Variants in FAT3 observed in about 807,000 individuals in gnomAD.
The protein encoded by FAT3 is protocadherin Fat 3.
Under a neutral mutation model 310.2 loss-of-function variants are expected in FAT3, and 95 were observed. That is an observed-to-expected ratio of 0.31 (90% CI 0.26 to 0.36). The LOEUF is 0.36. Ranked by LOEUF, FAT3 falls within the 10% of genes least tolerant of loss-of-function variation. The pLI is 1.00. For synonymous variants in FAT3, 2,314 were observed against 2,192.9 expected, an observed-to-expected ratio of 1.06 and a Z score of -1.54; for missense variants, 5,408 against 5,715.6, an observed-to-expected ratio of 0.95 and a Z score of 1.74.
intron 18 of FAT3, among the ~76,000 whole-genome samples, chr11:92,841,003 C>G (rs769489204): frequency 1.1e-4 from 16 of 152,188 alleles, no homozygotes; most frequent in Non-Finnish European, 2.4e-4. Context: ...GTATGCCCAA[C>G]AGATGGTCAC....
At chr11:92,279,510 T>G (rs1419632210) in intron 1 of FAT3, among the ~76,000 whole-genome samples, 1 of 152,208 alleles carries the variant, frequency 6.6e-6, no homozygotes, top group African/African-American at 2.4e-5. Context: ...TTCACACATG[T>G]GTGAGTGCAT....
intron 2 of FAT3, among the ~76,000 whole-genome samples, chr11:92,443,007 G>A (rs1401817568): frequency 6.6e-6 from 1 of 152,130 alleles, no homozygotes; most frequent in African/African-American, 2.4e-5. Context: ...AACACAAGGG[G>A]TGGTTAATCT....
intron 20 of FAT3, among the ~76,000 whole-genome samples, chr11:92,857,887 A>G (rs1174529472): frequency 1.3e-5 from 2 of 152,198 alleles, no homozygotes; most frequent in African/African-American, 4.8e-5. Flanking sequence ...TTAAGGAAAA[A>G]AAAATCAGTA....
chr11:92,539,087 A>G (rs1288280276), intron 3 of FAT3, among the ~76,000 whole-genome samples: 1 of 152,174 alleles, frequency 6.6e-6, no homozygotes, highest in African/African-American at 2.4e-5. Context: ...TTATAAAGAC[A>G]TGCTTCATCT....
At chr11:92,666,989 A>C (rs1164233167) in intron 3 of FAT3, among the ~76,000 whole-genome samples, 1 of 152,026 alleles carries the variant, frequency 6.6e-6, no homozygotes, top group Non-Finnish European at 1.5e-5. Flanking sequence ...AGGAGATGGG[A>C]AGTCTAGTCC....
At chr11:92,238,223 C>A (rs1864517935) in intron 1 of FAT3, among the ~76,000 whole-genome samples, 1 of 152,072 alleles carries the variant, frequency 6.6e-6, no homozygotes, top group African/African-American at 2.4e-5. Context: ...TCTTTGAGGG[C>A]TGAGTATTTT....
At chr11:92,604,294 T>C (rs1283906329) in intron 3 of FAT3, among the ~76,000 whole-genome samples, 3 of 152,210 alleles carry the variant, frequency 2.0e-5, no homozygotes, top group Non-Finnish European at 4.4e-5. Context: ...TATTTTCTTC[T>C]TTTTAATTAT....
intron 2 of FAT3, among the ~76,000 whole-genome samples, chr11:92,395,236 A>G (rs145189858): frequency 2.0e-5 from 3 of 152,294 alleles, no homozygotes; most frequent in East Asian, 1.9e-4. Context: ...GAGTTTAAAT[A>G]GGTACTTGAA....
intron 2 of FAT3, among the ~76,000 whole-genome samples, chr11:92,399,893 G>C (rs2134859277): frequency 6.6e-6 from 1 of 152,328 alleles, no homozygotes; most frequent in South Asian, 2.1e-4. Flanking sequence ...TCAAAAGGCA[G>C]ATCTGGCCAA....
intron 2 of FAT3, among the ~76,000 whole-genome samples, chr11:92,399,308 T>C (rs1431216388): frequency 6.6e-6 from 1 of 152,150 alleles, no homozygotes; most frequent in Non-Finnish European, 1.5e-5. Context: ...TTCTTTATAA[T>C]GGAGTGAAAA....
At chr11:92,858,471 C>T (rs1370322022) in intron 20 of FAT3, among the ~76,000 whole-genome samples, 1 of 152,124 alleles carries the variant, frequency 6.6e-6, no homozygotes, top group African/African-American at 2.4e-5. Flanking sequence ...TATATTTCCA[C>T]ATATTCCACC....
intron 2 of FAT3, among the ~76,000 whole-genome samples, chr11:92,513,681 A>G (rs545187466): frequency 6.6e-6 from 1 of 152,322 alleles, no homozygotes; most frequent in African/African-American, 2.4e-5. Context: ...GAGAATTTAC[A>G]TTTTCAATAA....
intron 2 of FAT3, among the ~76,000 whole-genome samples, chr11:92,373,845 A>G (rs1445831574): frequency 6.6e-6 from 1 of 151,270 alleles, no homozygotes; most frequent in Non-Finnish European, 1.5e-5. Flanking sequence ...GATGTATGAG[A>G]GGAGATTAAT....
rs2136084285 is a variant in FAT3 at position 92,761,948 on chromosome 11, C to T, written c.3762C>T (p.Phe1254=). The change falls in exon 5 of 28, where the codon TTC becomes TTT. Residue 1254 remains phenylalanine (F), a synonymous_variant. Coordinates refer to ENST00000525166, the MANE Select transcript of FAT3 (RefSeq NM_001367949.2). ...ATGAAAATGACAACAAGCCCCAGTT[C>T]CCAGAGAAGGTCTACCAGATCAAGC... is the stretch of plus-strand genomic sequence containing the variant. ...VLDENDNKPQ[F]PEKVYQIKLP... The T allele has an allele frequency of 6.2e-7, 1 of 1,613,880 alleles. No homozygotes were observed. The highest frequency in any genetic ancestry group is 8.5e-7 in the Non-Finnish European group (1 of 1,179,874).
chr11:92,603,563 A>G (rs574126942), intron 3 of FAT3, among the ~76,000 whole-genome samples: 1 of 152,322 alleles, frequency 6.6e-6, no homozygotes, highest in East Asian at 1.9e-4. Flanking sequence ...CAATCATTAG[A>G]TATTTGGTTT....
intron 7 of FAT3, among the ~76,000 whole-genome samples, chr11:92,778,964 C>T (rs1946669310): frequency 6.6e-6 from 1 of 152,100 alleles, no homozygotes; most frequent in Non-Finnish European, 1.5e-5. Flanking sequence ...GAAAGGGGTA[C>T]TACCAGTCTT....
At chr11:92,631,977 A>G (rs1941574929) in intron 3 of FAT3, among the ~76,000 whole-genome samples, 1 of 152,202 alleles carries the variant, frequency 6.6e-6, no homozygotes, top group Non-Finnish European at 1.5e-5. Context: ...CAATGTATAA[A>G]GAGCATTTGT....
At chr11:92,364,065 C>G (rs1234534340) in intron 2 of FAT3, among the ~76,000 whole-genome samples, 1 of 151,996 alleles carries the variant, frequency 6.6e-6, no homozygotes, top group African/African-American at 2.4e-5. Context: ...CATTGTGTAT[C>G]AGGCTTGAGC....
intron 6 of FAT3, among the ~76,000 whole-genome samples, chr11:92,766,169 A>G (rs959041096): frequency 6.6e-6 from 1 of 152,234 alleles, no homozygotes; most frequent in African/African-American, 2.4e-5. Flanking sequence ...AAAGGGCAAA[A>G]CAGCCCTATG....
Sources: allele counts gnomAD v4.1 joint callset (sites outside exome capture counted in the v4.1 genomes callset), GRCh38; gene constraint gnomAD v4.1.1; transcripts MANE v1.5; gene names NCBI Gene and HGNC (gene_info 2026-07-23, HGNC 2026-07-21).